NUBPL: variants seen among roughly 807,000 people sequenced by gnomAD.
The protein encoded by NUBPL is NUBP iron-sulfur cluster assembly factor, mitochondrial.
Under a neutral mutation model 45.7 loss-of-function variants are expected in NUBPL, and 31 were observed. The observed-to-expected ratio is 0.68, with a 90% CI of 0.51 to 0.92. NUBPL has a LOEUF of 0.92. Ranked by LOEUF, NUBPL falls within the 40% of genes least tolerant of loss-of-function variation. The pLI, the probability that NUBPL is intolerant of heterozygous loss-of-function variation, is 0.00. For synonymous variants in NUBPL, 144 were observed against 140.9 expected, an observed-to-expected ratio of 1.02 and a Z score of -0.15; for missense variants, 401 against 398.7, an observed-to-expected ratio of 1.01 and a Z score of -0.05.
chr14:31,807,191 C>T (rs9755515), intron 7 of NUBPL, among the ~76,000 whole-genome samples: 96 of 152,294 alleles, frequency 6.3e-4, no homozygotes, highest in African/African-American at 1.4e-3. Context: ...CTTGAGGAAT[C>T]GCCACACTGT....
intron 6 of NUBPL, among the ~76,000 whole-genome samples, chr14:31,784,371 G>A (rs1333228370): frequency 1.3e-5 from 2 of 152,100 alleles, no homozygotes; most frequent in East Asian, 3.9e-4. Flanking sequence ...TGAAGTCTTT[G>A]TATGAGAAAG....
chr14:31,636,672 T>C (rs2035511962), intron 4 of NUBPL, among the ~76,000 whole-genome samples: 1 of 152,160 alleles, frequency 6.6e-6, no homozygotes, highest in South Asian at 2.1e-4. Flanking sequence ...ATGGTACCAG[T>C]TCCTTCTTGT....
chr14:31,567,212 G>A (rs6571435), intron 3 of NUBPL, among the ~76,000 whole-genome samples: 105,295 of 152,040 alleles, frequency 0.69, 37,066 homozygotes, highest in African/African-American at 0.83. Flanking sequence ...TCTGATTCAT[G>A]TTCTTTTGTA....
intron 7 of NUBPL, among the ~76,000 whole-genome samples, chr14:31,789,305 G>A (rs955008004): frequency 1.3e-4 from 17 of 128,760 alleles, no homozygotes; most frequent in East Asian, 2.3e-4. Flanking sequence ...CAGCCTGGGC[G>A]ACAGAGTGAG....
intron 4 of NUBPL, among the ~76,000 whole-genome samples, chr14:31,627,043 T>A (rs1272739318): frequency 6.6e-6 from 1 of 152,236 alleles, no homozygotes; most frequent in Non-Finnish European, 1.5e-5. Context: ...TTGGTAGTTG[T>A]TACCTTATTA....
At chr14:31,780,452 T>C (rs576125648) in intron 6 of NUBPL, among the ~76,000 whole-genome samples, 5 of 152,236 alleles carry the variant, frequency 3.3e-5, no homozygotes, top group African/African-American at 1.2e-4. Context: ...AGGAATCAAG[T>C]TGTGAGAAAA....
intron 4 of NUBPL, among the ~76,000 whole-genome samples, chr14:31,606,903 T>C (rs774206382): frequency 3.3e-5 from 5 of 152,172 alleles, no homozygotes; most frequent in Admixed American, 6.5e-5. Context: ...AATGTAGTTA[T>C]TTATTTGTTG....
chr14:31,584,096 T>C (rs563309709), intron 3 of NUBPL, among the ~76,000 whole-genome samples: 31 of 152,246 alleles, frequency 2.0e-4, no homozygotes, highest in African/African-American at 6.5e-4. Flanking sequence ...AAGTAACCTA[T>C]GTATTTGATT....
chr14:31,838,488 A>G (rs1427105782), intron 8 of NUBPL, among the ~76,000 whole-genome samples: 2 of 152,144 alleles, frequency 1.3e-5, no homozygotes, highest in East Asian at 1.9e-4. Flanking sequence ...AAAAATATAT[A>G]TTGCATGATT....
intron 6 of NUBPL, among the ~76,000 whole-genome samples, chr14:31,725,343 T>G (rs2037897168): frequency 1.3e-5 from 2 of 152,212 alleles, no homozygotes; most frequent in Non-Finnish European, 2.9e-5. Context: ...TGCTATCCAT[T>G]ACTTCATGGG....
intron 4 of NUBPL, among the ~76,000 whole-genome samples, chr14:31,614,314 A>C (rs1013449041): frequency 6.6e-6 from 1 of 152,218 alleles, no homozygotes; most frequent in Non-Finnish European, 1.5e-5. Context: ...AAGAATAGCA[A>C]CTAAAAATTG....
intron 8 of NUBPL, among the ~76,000 whole-genome samples, chr14:31,828,761 G>A (rs2040143817): frequency 6.6e-6 from 1 of 152,144 alleles, no homozygotes; most frequent in African/African-American, 2.4e-5. Context: ...CAGTCCCTAT[G>A]TAAACCTGTA....
chr14:31,584,320 T>G (rs560223871), intron 3 of NUBPL, among the ~76,000 whole-genome samples: 2 of 152,284 alleles, frequency 1.3e-5, no homozygotes, highest in South Asian at 4.1e-4. Context: ...AGATGGGTTC[T>G]TATTATATTG....
At chr14:31,704,915 C>T (rs914530257) in intron 6 of NUBPL, among the ~76,000 whole-genome samples, 6 of 152,102 alleles carry the variant, frequency 3.9e-5, no homozygotes, top group Non-Finnish European at 7.3e-5. Flanking sequence ...ATGGTATGTC[C>T]GGAGTTTGTT....
chr14:31,642,177 T>G (rs1026511270), intron 4 of NUBPL, among the ~76,000 whole-genome samples: 13 of 152,216 alleles, frequency 8.5e-5, no homozygotes, highest in Admixed American at 7.2e-4. Flanking sequence ...CAGAAGCTTT[T>G]TAGCTTGGTA....
At chr14:31,637,738 G>A (rs1467536730) in intron 4 of NUBPL, among the ~76,000 whole-genome samples, 2 of 152,144 alleles carry the variant, frequency 1.3e-5, no homozygotes, top group African/African-American at 2.4e-5. Flanking sequence ...CTCTTTGTAG[G>A]TCACTCAGGA....
intron 6 of NUBPL, among the ~76,000 whole-genome samples, chr14:31,680,015 T>G (rs2139829511): frequency 6.6e-6 from 1 of 152,318 alleles, no homozygotes; most frequent in African/African-American, 2.4e-5. Flanking sequence ...AATTGTTATT[T>G]AAGTATTGAA....
At chr14:31,833,461 C>A (rs1029383123) in intron 8 of NUBPL, among the ~76,000 whole-genome samples, 2 of 151,870 alleles carry the variant, frequency 1.3e-5, no homozygotes, top group Non-Finnish European at 2.9e-5. Context: ...TCTATATTAT[C>A]TTCATATAGA....
intron 10 of NUBPL, among the ~76,000 whole-genome samples, chr14:31,850,508 G>T (rs1173327317): frequency 6.6e-6 from 1 of 152,128 alleles, no homozygotes; most frequent in Non-Finnish European, 1.5e-5. Flanking sequence ...AACTGCCCAA[G>T]ATTATTATAT....
Sources: allele counts gnomAD v4.1 joint callset (sites outside exome capture counted in the v4.1 genomes callset), GRCh38; gene constraint gnomAD v4.1.1; transcripts MANE v1.5; gene names NCBI Gene and HGNC (gene_info 2026-07-23, HGNC 2026-07-21).